LRRIQ3: variants seen among roughly 807,000 people sequenced by gnomAD.
LRRIQ3 encodes the protein leucine-rich repeat and IQ domain-containing protein 3.
Under a neutral mutation model 59.3 loss-of-function variants are expected in LRRIQ3, and 75 were observed. That is an observed-to-expected ratio of 1.26 (90% CI 1.05 to 1.53). The LOEUF (loss-of-function observed/expected upper bound fraction) is 1.53. LRRIQ3 is among the 40% of genes most tolerant of loss of function. LRRIQ3 has a pLI of 0.00. For synonymous variants in LRRIQ3, 250 were observed against 231.3 expected (o/e 1.08, Z -0.73); for missense variants, 831 against 710.0 (o/e 1.17, Z -1.94).
intron 4 of LRRIQ3, among the ~76,000 whole-genome samples, chr1:74,111,995 A>G (rs1646702383): frequency 6.6e-6 from 1 of 152,144 alleles, no homozygotes; most frequent in Non-Finnish European, 1.5e-5. Context: ...GATAGGCAGA[A>G]GCTCTAATCA....
At chr1:74,122,182 T>C (rs1289191011) in intron 4 of LRRIQ3, among the ~76,000 whole-genome samples, 1 of 152,164 alleles carries the variant, frequency 6.6e-6, no homozygotes, top group Admixed American at 6.6e-5. Context: ...ATGGTTGAAC[T>C]AGTGTACAGT....
chr1:74,132,113 C>T (rs1364206329), intron 4 of LRRIQ3, among the ~76,000 whole-genome samples: 2 of 152,064 alleles, frequency 1.3e-5, no homozygotes, highest in Non-Finnish European at 2.9e-5. Context: ...TGAGTGAACT[C>T]CCATTCACAA....
intron 3 of LRRIQ3, among the ~76,000 whole-genome samples, chr1:74,162,766 T>C (rs576877712): frequency 6.6e-6 from 1 of 151,850 alleles, no homozygotes; most frequent in Non-Finnish European, 1.5e-5. Context: ...TTCTATTTTA[T>C]TTGTGAATAT....
intron 4 of LRRIQ3, among the ~76,000 whole-genome samples, chr1:74,140,399 CAT>C: frequency 6.6e-6 from 1 of 151,762 alleles, no homozygotes; most frequent in East Asian, 1.9e-4. Context: ...CAACTAATAA[CAT>C]AGTTCAAAAT....
chr1:74,167,836 G>T (rs1040411692), intron 3 of LRRIQ3, among the ~76,000 whole-genome samples: 9 of 151,584 alleles, frequency 5.9e-5, no homozygotes, highest in Admixed American at 2.6e-4. Flanking sequence ...ACACACGAAA[G>T]AATTCCTCCT....
chr1:74,038,006 C>T (rs1206234692), intron 7 of LRRIQ3, among the ~76,000 whole-genome samples: 1 of 152,196 alleles, frequency 6.6e-6, no homozygotes, highest in Non-Finnish European at 1.5e-5. Flanking sequence ...GCCTGAGGTC[C>T]TTAGGGGAGA....
At chr1:74,065,125 G>C (rs1421975780) in intron 6 of LRRIQ3, among the ~76,000 whole-genome samples, 1 of 151,998 alleles carries the variant, frequency 6.6e-6, no homozygotes, top group Non-Finnish European at 1.5e-5. Flanking sequence ...AAGAACTGCA[G>C]ACTATCACAA....
intron 3 of LRRIQ3, among the ~76,000 whole-genome samples, chr1:74,164,291 A>G (rs541512477): frequency 6.6e-6 from 1 of 151,660 alleles, no homozygotes; most frequent in South Asian, 2.1e-4. Context: ...TAGAGTTCTA[A>G]GAGGTAAATA....
intron 6 of LRRIQ3, among the ~76,000 whole-genome samples, chr1:74,069,878 G>C (rs1003276024): frequency 6.6e-6 from 1 of 151,650 alleles, no homozygotes; most frequent in Non-Finnish European, 1.5e-5. Context: ...AAATATTTAT[G>C]TAGTATCACT....
chr1:74,143,673 C>T (rs894095431), intron 4 of LRRIQ3, among the ~76,000 whole-genome samples: 2 of 151,460 alleles, frequency 1.3e-5, no homozygotes, highest in Admixed American at 1.3e-4. Context: ...GTTGAACACA[C>T]TCAGCATTCA....
intron 7 of LRRIQ3, among the ~76,000 whole-genome samples, chr1:74,034,288 T>C (rs1377589573): frequency 2.0e-5 from 3 of 152,012 alleles, no homozygotes; most frequent in Admixed American, 2.0e-4. Context: ...ATACCTAATC[T>C]TTATTTGAAA....
chr1:74,165,257 T>A (rs150090206), intron 3 of LRRIQ3, among the ~76,000 whole-genome samples: 33 of 151,658 alleles, frequency 2.2e-4, no homozygotes, highest in African/African-American at 5.5e-4. Flanking sequence ...AATTGAGATC[T>A]TTATTTTTAT....
At chr1:74,097,826 A>C (rs1323285883) in intron 5 of LRRIQ3, among the ~76,000 whole-genome samples, 3 of 152,174 alleles carry the variant, frequency 2.0e-5, no homozygotes, top group Non-Finnish European at 2.9e-5. Flanking sequence ...GTGAAGGAGA[A>C]ATAAAATCCT....
chr1:74,083,553 G>A (rs1646295185), intron 5 of LRRIQ3: 2 of 151,674 alleles, frequency 1.3e-5, no homozygotes, highest in Non-Finnish European at 3.0e-5. Flanking sequence ...CAAAACCCAG[G>A]CTTATATGGA....
rs1001844389 is a variant in LRRIQ3, at chr1:74,033,063, G to T, written c.1719-6094C>A. Among the ~76,000 whole-genome samples, 14 of 152,014 alleles carry T rather than the reference G, an allele frequency of 9.2e-5. 1 individual carries two copies. Among genetic ancestry groups the T allele is most frequent in the African/African-American group, 1.9e-4 (8 of 41,426 alleles). On this transcript the variant is annotated intron_variant, in intron 7 of 7. Coordinates refer to ENST00000354431, the MANE Select transcript of LRRIQ3 (RefSeq NM_001105659.2). ...TTGAGAAGGAGAGGCCATAAGTGGTGTTTGAATAGAAAGCTGTACTGTTGA... is the reference window on the plus strand; with the variant it reads ...TTGAGAAGGAGAGGCCATAAGTGGTTTTTGAATAGAAAGCTGTACTGTTGA...
At chr1:74,183,357 T>C in intron 2 of LRRIQ3, 79 bp downstream of exon 2, 2 of 1,228,512 alleles carry the variant, frequency 1.6e-6, no homozygotes, top group Non-Finnish European at 2.2e-6. Context: ...GAAGAAATAC[T>C]GTGGATAGGT....
rs201361860 is a variant in LRRIQ3 at position 74,041,339 on chromosome 1, C to T, written c.1592G>A (p.Gly531Glu). 1,387 of 1,613,764 alleles carry T rather than the reference C, an allele frequency of 8.6e-4. 2 individuals carry two copies. Among genetic ancestry groups the T allele is most frequent in the Non-Finnish European group, 1.1e-3 (1,266 of 1,179,858 alleles). Reference sequence around the variant, plus strand: ...CTCCAGTCTGTCAATTTTAAGTAGTCCTCTGGTCAAAAGAGTGCGCTCATT... The same window carrying T: ...CTCCAGTCTGTCAATTTTAAGTAGTTCTCTGGTCAAAAGAGTGCGCTCATT... The part of the protein sequence containing the change: ...LNNERTLLTR[G>E]LLKIDRLEKN... The change falls in exon 7 of 8, where the codon GGA becomes GAA. Residue 531 changes from glycine (G) to glutamate (E), a missense_variant. Physicochemically the swap from Gly to Glu is moderately conservative, Grantham distance 98. Coordinates refer to ENST00000354431, the MANE Select transcript of LRRIQ3 (RefSeq NM_001105659.2).
chr1:74,139,668 C>T (rs1261327622), intron 4 of LRRIQ3, among the ~76,000 whole-genome samples: 4 of 151,810 alleles, frequency 2.6e-5, no homozygotes, highest in African/African-American at 9.7e-5. Flanking sequence ...CTTGCCACTA[C>T]TTATAACAAA....
At chr1:74,087,827 C>T (rs185582455) in intron 5 of LRRIQ3, among the ~76,000 whole-genome samples, 31 of 151,952 alleles carry the variant, frequency 2.0e-4, no homozygotes, top group African/African-American at 6.5e-4. Flanking sequence ...GGCTGGGGGC[C>T]GTGGCTCACA....
Sources: gnomAD v4.1 joint callset for allele counts (sites outside exome capture counted in the v4.1 genomes callset) on GRCh38, gnomAD v4.1.1 for gene constraint, MANE v1.5 for transcripts, NCBI Gene and HGNC (gene_info 2026-07-23, HGNC 2026-07-21) for gene names.